CDH18: variants seen among roughly 807,000 people sequenced by gnomAD.
The protein encoded by CDH18 is cadherin 18.
In CDH18, 31 loss-of-function variants were observed where a neutral mutation model predicts 67.9. That is an observed-to-expected ratio of 0.46 (90% CI 0.34 to 0.62). The LOEUF (loss-of-function observed/expected upper bound fraction) is 0.62. Among genes scored for constraint, CDH18 ranks in the 20% least tolerant of loss-of-function variants. The pLI is 0.01. For missense variants in CDH18, 890 were observed against 975.5 expected (o/e 0.91, Z 1.17); for synonymous variants, 362 against 347.2 (o/e 1.04, Z -0.48).
intron 2 of CDH18, among the ~76,000 whole-genome samples, chr5:20,058,174 A>T (rs1418879238): frequency 6.6e-6 from 1 of 152,160 alleles, no homozygotes; most frequent in Non-Finnish European, 1.5e-5. Flanking sequence ...TCCTAAATGA[A>T]TGTACACATC....
At chr5:20,004,249 G>T (rs1736700748) in intron 2 of CDH18, among the ~76,000 whole-genome samples, 1 of 152,068 alleles carries the variant, frequency 6.6e-6, no homozygotes, top group South Asian at 2.1e-4. Flanking sequence ...CAGCAACAGC[G>T]CCCCCCACCC....
intron 1 of CDH18, among the ~76,000 whole-genome samples, chr5:20,420,469 AGAC>A (rs1747773862): frequency 6.6e-6 from 1 of 151,274 alleles, no homozygotes; most frequent in East Asian, 1.9e-4. Flanking sequence ...TATAAAAAGA[AGAC>A]GACTTAAGCT....
chr5:19,515,709 A>G (rs1745871070), intron 10 of CDH18, among the ~76,000 whole-genome samples: 1 of 152,194 alleles, frequency 6.6e-6, no homozygotes, highest in Non-Finnish European at 1.5e-5. Flanking sequence ...TTGTATCCTG[A>G]GACTTGGCTG....
chr5:20,358,993 C>T (rs1052129930), intron 1 of CDH18, among the ~76,000 whole-genome samples: 8 of 142,500 alleles, frequency 5.6e-5, no homozygotes, highest in African/African-American at 2.1e-4. Flanking sequence ...AGTGCAATGG[C>T]GTGATCTCAG....
intron 9 of CDH18, among the ~76,000 whole-genome samples, chr5:19,527,326 A>C (rs1293239571): frequency 1.3e-5 from 2 of 151,724 alleles, no homozygotes; most frequent in Admixed American, 1.3e-4. Context: ...AATACATATT[A>C]TAAACTACTT....
chr5:19,581,112 T>C (rs1190813347), intron 7 of CDH18, among the ~76,000 whole-genome samples: 1 of 151,986 alleles, frequency 6.6e-6, no homozygotes, highest in African/African-American at 2.4e-5. Flanking sequence ...TAGAAGTGTT[T>C]ATTCTGGCAT....
chr5:20,155,874 C>T (rs576300658), intron 2 of CDH18, among the ~76,000 whole-genome samples: 3 of 152,012 alleles, frequency 2.0e-5, no homozygotes, highest in South Asian at 4.2e-4. Context: ...GTCAAAGATC[C>T]GTTGGTTGTA....
At chr5:19,709,382 A>C (rs909525923) in intron 5 of CDH18, among the ~76,000 whole-genome samples, 2 of 152,096 alleles carry the variant, frequency 1.3e-5, no homozygotes, top group Non-Finnish European at 2.9e-5. Context: ...AACCTGATCA[A>C]CATGGTGAAA....
intron 2 of CDH18, among the ~76,000 whole-genome samples, chr5:19,910,206 T>C (rs956540671): frequency 2.0e-5 from 3 of 152,198 alleles, no homozygotes; most frequent in African/African-American, 7.2e-5. Context: ...TTGACATTTA[T>C]TGAGAATATA....
Position 20,071,282 on chromosome 5 carries a change from A to C in CDH18, c.-517-79268T>G, listed in dbSNP as rs568754526. On this transcript the variant is annotated intron_variant, in intron 2 of 14. Coordinates refer to the CDH18 transcript ENST00000507958. ...CTGTCAAGACTTAGCTAAAGATTTAATTTCCAAGAAATGTGATGCTATATC... is the reference window on the plus strand; with the variant it reads ...CTGTCAAGACTTAGCTAAAGATTTACTTTCCAAGAAATGTGATGCTATATC... Among the ~76,000 whole-genome samples the C allele has an allele frequency of 2.2e-4, 33 of 152,178 alleles. No individual in the cohort carries two copies. The South Asian group carries it at 6.4e-3, about 30-fold the overall frequency.
intron 2 of CDH18, among the ~76,000 whole-genome samples, chr5:19,960,747 GTA>G (rs1255778139): frequency 2.1e-4 from 27 of 130,464 alleles, no homozygotes; most frequent in East Asian, 6.1e-4. Context: ...GTATACACGT[GTA>G]TATATATGTA....
At chr5:20,407,212 G>A (rs909171121) in intron 1 of CDH18, among the ~76,000 whole-genome samples, 1 of 152,102 alleles carries the variant, frequency 6.6e-6, no homozygotes, top group Non-Finnish European at 1.5e-5. Context: ...TTTTCCCAGG[G>A]GAGGGAAAGA....
intron 5 of CDH18, among the ~76,000 whole-genome samples, chr5:19,695,606 C>T (rs1762440392): frequency 6.6e-6 from 1 of 152,166 alleles, no homozygotes; most frequent in South Asian, 2.1e-4. Context: ...CAATGACACA[C>T]AACCCTTGTC....
At chr5:20,572,244 C>A (rs1335757694) in intron 1 of CDH18, among the ~76,000 whole-genome samples, 1 of 150,736 alleles carries the variant, frequency 6.6e-6, no homozygotes, top group African/African-American at 2.4e-5. Context: ...AGGTAATATT[C>A]TCTTTTTAGC....
intron 3 of CDH18, among the ~76,000 whole-genome samples, chr5:19,826,676 C>G (rs1780436495): frequency 1.3e-5 from 2 of 152,124 alleles, no homozygotes; most frequent in Non-Finnish European, 2.9e-5. Flanking sequence ...TTCAGACAAG[C>G]AAATGCTAAG....
intron 1 of CDH18, among the ~76,000 whole-genome samples, chr5:20,401,447 T>C (rs1486203642): frequency 6.6e-6 from 1 of 152,178 alleles, no homozygotes; most frequent in African/African-American, 2.4e-5. Flanking sequence ...TCAAATCCTA[T>C]GCTTTCTACA....
intron 5 of CDH18, among the ~76,000 whole-genome samples, chr5:19,656,715 G>T (rs1442911053): frequency 1.3e-5 from 2 of 152,048 alleles, no homozygotes; most frequent in African/African-American, 4.8e-5. Flanking sequence ...TATTTATACA[G>T]GTTTCTGATC....
intron 5 of CDH18, among the ~76,000 whole-genome samples, chr5:19,700,830 A>G (rs1015274952): frequency 3.3e-5 from 5 of 152,206 alleles, no homozygotes; most frequent in Non-Finnish European, 5.9e-5. Context: ...TTTCTTTAAA[A>G]TCCATACTTG....
At chr5:19,921,575 T>C (rs1792486771) in intron 2 of CDH18, among the ~76,000 whole-genome samples, 1 of 149,922 alleles carries the variant, frequency 6.7e-6, no homozygotes, top group African/African-American at 2.5e-5. Context: ...TGGAGAAATA[T>C]CTGTAATTCG....
Sources: gnomAD v4.1 joint callset for allele counts (sites outside exome capture counted in the v4.1 genomes callset) on GRCh38, gnomAD v4.1.1 for gene constraint, MANE v1.5 for transcripts, NCBI Gene and HGNC (gene_info 2026-07-23, HGNC 2026-07-21) for gene names.